Variants in THSD4 observed in about 807,000 individuals in gnomAD.
The protein encoded by THSD4 is thrombospondin type-1 domain-containing protein 4.
THSD4 carries 69 observed loss-of-function variants against 119.0 expected under a neutral mutation model. The observed-to-expected ratio is 0.58, with a 90% CI of 0.48 to 0.71. The LOEUF is 0.71. Ranked by LOEUF, THSD4 falls within the 30% of genes least tolerant of loss-of-function variation. The pLI, the probability that THSD4 is intolerant of heterozygous loss-of-function variation, is 0.00. For synonymous variants in THSD4, 524 were observed against 540.4 expected (o/e 0.97, Z 0.42); for missense variants, 1,393 against 1,391.1 (o/e 1.00, Z -0.02).
intron 6 of THSD4, among the ~76,000 whole-genome samples, chr15:71,363,094 A>G (rs1459647783): frequency 6.6e-6 from 1 of 152,082 alleles, no homozygotes; most frequent in Non-Finnish European, 1.5e-5. Context: ...CGGCAGGTGG[A>G]CAAGCTTGCT....
intron 7 of THSD4, among the ~76,000 whole-genome samples, chr15:71,558,328 A>G (rs1024791271): frequency 6.6e-6 from 1 of 152,218 alleles, no homozygotes; most frequent in Non-Finnish European, 1.5e-5. Context: ...ACTCTGTTTC[A>G]GAAAAAAATA....
chr15:71,460,438 C>T (rs72760682), intron 7 of THSD4, among the ~76,000 whole-genome samples: 3,850 of 151,784 alleles, frequency 0.025, 76 homozygotes, highest in South Asian at 0.051. Flanking sequence ...GTGTACATTC[C>T]ACCTTGAATT....
intron 7 of THSD4, among the ~76,000 whole-genome samples, chr15:71,425,976 G>A (rs926520864): frequency 7.9e-5 from 12 of 152,156 alleles, no homozygotes; most frequent in Non-Finnish European, 1.8e-4. Context: ...TGAATTTCTC[G>A]AGTCCTTGCA....
At position 71,620,092 on chromosome 15, in the gene THSD4, T is replaced by C. The variant is rs192940979; in HGVS notation, c.1153-40438T>C. 8.5e-5 allele frequency among the ~76,000 whole-genome samples: 13 copies of C among 152,228 alleles called. No individual in the cohort carries two copies. The East Asian group carries it at 2.5e-3, about 29-fold the overall frequency. On this transcript the variant is annotated intron_variant, in intron 7 of 17. Transcript: ENST00000261862. Reference sequence around the variant, plus strand: ...CTTTGAGAGTCCTAAGAAGGAGGCATAGAGGAAACAGCCCAGCATTTGAAG... The same window carrying C: ...CTTTGAGAGTCCTAAGAAGGAGGCACAGAGGAAACAGCCCAGCATTTGAAG...
At chr15:71,517,581 A>G (rs895738191) in intron 7 of THSD4, among the ~76,000 whole-genome samples, 1 of 152,178 alleles carries the variant, frequency 6.6e-6, no homozygotes, top group African/African-American at 2.4e-5. Context: ...AATAAGGGAT[A>G]CCTCCTAGCA....
intron 6 of THSD4, among the ~76,000 whole-genome samples, chr15:71,335,917 G>T (rs1473608): frequency 0.23 from 34,557 of 152,022 alleles, 4,847 homozygotes; most frequent in African/African-American, 0.4. Context: ...ATCCTTCTTG[G>T]AGAAGGGCAT....
intron 7 of THSD4, among the ~76,000 whole-genome samples, chr15:71,556,562 G>GT (rs930579781): frequency 5.3e-5 from 8 of 151,820 alleles, no homozygotes; most frequent in Admixed American, 1.3e-4. Context: ...CCAGCCCTGG[G>GT]TGAAACCCGT....
intron 7 of THSD4, among the ~76,000 whole-genome samples, chr15:71,600,623 AAAG>A (rs2049988009): frequency 6.6e-6 from 1 of 152,240 alleles, no homozygotes; most frequent in Non-Finnish European, 1.5e-5. Flanking sequence ...AATGACAATT[AAAG>A]TAGTAACAAC....
At chr15:71,752,365 A>G (rs932025122) in intron 14 of THSD4, among the ~76,000 whole-genome samples, 6 of 152,262 alleles carry the variant, frequency 3.9e-5, no homozygotes, top group African/African-American at 1.4e-4. Context: ...TGCCGAATCT[A>G]GCTTGGCTTA....
At chr15:71,431,360 G>T (rs1272015020) in intron 7 of THSD4, among the ~76,000 whole-genome samples, 1 of 152,140 alleles carries the variant, frequency 6.6e-6, no homozygotes, top group East Asian at 1.9e-4. Flanking sequence ...ATTAGCAGAG[G>T]TCTATATTTC....
Position 71,494,673 on chromosome 15 carries a change from A to T in THSD4, c.1152+82850A>T, listed in dbSNP as rs560468789. On this transcript the variant is annotated intron_variant, in intron 7 of 17. Coordinates refer to ENST00000261862, the MANE Select transcript of THSD4 (RefSeq NM_024817.3). ...AGGAAGAAGGGTGGCTTTATAAACC[A>T]TTACCAAATCAAAGCCCCATCAGAG... Among the ~76,000 whole-genome samples, 38 of 151,974 alleles carry T rather than the reference A, an allele frequency of 2.5e-4. No individual in the cohort carries two copies. In the South Asian group the frequency reaches 7.3e-3, roughly 29 times the overall value.
intron 6 of THSD4, among the ~76,000 whole-genome samples, chr15:71,306,001 C>T (rs1312411586): frequency 6.6e-6 from 1 of 152,078 alleles, no homozygotes; most frequent in Non-Finnish European, 1.5e-5. Context: ...TTGTAAAGAG[C>T]TTAAAGGCAT....
intron 7 of THSD4, among the ~76,000 whole-genome samples, chr15:71,657,460 G>A (rs142890902): frequency 6.6e-6 from 1 of 152,240 alleles, no homozygotes; most frequent in East Asian, 1.9e-4. Context: ...TTTGCCCTTG[G>A]CCTCAGCTAA....
intron 16 of THSD4, chr15:71,767,064 G>A (rs1340154406): frequency 6.6e-6 from 1 of 152,120 alleles, no homozygotes; most frequent in Non-Finnish European, 1.5e-5. Flanking sequence ...TTTGCGGTAG[G>A]AGATACACAA....
At chr15:71,492,469 GA>G (rs887629023) in intron 7 of THSD4, among the ~76,000 whole-genome samples, 1 of 152,006 alleles carries the variant, frequency 6.6e-6, no homozygotes, top group South Asian at 2.1e-4. Flanking sequence ...ATTTTTAATA[GA>G]GGGGGGGAGT....
At chr15:71,775,665 A>G (rs989986306) in intron 17 of THSD4, among the ~76,000 whole-genome samples, 2 of 152,202 alleles carry the variant, frequency 1.3e-5, no homozygotes, top group African/African-American at 4.8e-5. Context: ...GAGCTGAGAT[A>G]GAGCCACTGT....
chr15:71,712,025 A>C (rs1303574194), intron 8 of THSD4, among the ~76,000 whole-genome samples: 1 of 152,170 alleles, frequency 6.6e-6, no homozygotes, highest in Non-Finnish European at 1.5e-5. Flanking sequence ...ATTGACATTT[A>C]TACAACACTC....
At chr15:71,621,343 A>T (rs1327799996) in intron 7 of THSD4, among the ~76,000 whole-genome samples, 1 of 152,212 alleles carries the variant, frequency 6.6e-6, no homozygotes, top group Non-Finnish European at 1.5e-5. Flanking sequence ...ATGGAAAAGA[A>T]CCCATGAGTT....
At chr15:71,587,114 C>G (rs1012134312) in intron 7 of THSD4, among the ~76,000 whole-genome samples, 1 of 148,404 alleles carries the variant, frequency 6.7e-6, no homozygotes, top group African/African-American at 2.5e-5. Flanking sequence ...ATTAAAAAGT[C>G]AGGAAACAAC....
Sources: allele counts gnomAD v4.1 joint callset (sites outside exome capture counted in the v4.1 genomes callset), GRCh38; gene constraint gnomAD v4.1.1; transcripts MANE v1.5; gene names NCBI Gene and HGNC (gene_info 2026-07-23, HGNC 2026-07-21).